The following GRK7 variants were observed in gnomAD, a reference collection of about 807,000 sequenced individuals.
GRK7 encodes rhodopsin kinase GRK7.
In GRK7, 24 loss-of-function variants were observed where a neutral mutation model predicts 34.1. The observed-to-expected ratio is 0.70, with a 90% CI of 0.51 to 0.99. The LOEUF (loss-of-function observed/expected upper bound fraction) is 0.99. Ranked by LOEUF, GRK7 falls within the 50% of genes least tolerant of loss-of-function variation. GRK7 has a pLI of 0.00. For missense variants in GRK7, 644 were observed against 707.3 expected, an observed-to-expected ratio of 0.91 and a Z score of 1.02; for synonymous variants, 256 against 279.4, an observed-to-expected ratio of 0.92 and a Z score of 0.84.
Position 141,776,159 on chromosome 3 carries a change from C to T in GRK7, c.-114+1479C>T, listed in dbSNP as rs372812172. Among the ~76,000 whole-genome samples the T allele has an allele frequency of 1.5e-4, 23 of 151,980 alleles. No homozygotes were observed. The East Asian group carries it at 1.9e-3, about 13-fold the overall frequency. The stretch of plus-strand genomic sequence containing the variant: ...AAAATTAGCCGGGCGCGGTGGCGGG[C>T]ACCTGTAGTCCTAGCTACTTGGGAG... On this transcript the variant is annotated intron_variant, in intron 2 of 5. Coordinates refer to ENST00000682958, the MANE Select transcript of GRK7 (RefSeq NM_139209.3).
chr3:141,815,255 GTTTGTTTT>G (rs1358847136), intron 5 of GRK7, among the ~76,000 whole-genome samples: 1 of 150,236 alleles, frequency 6.7e-6, no homozygotes, highest in Non-Finnish European at 1.5e-5. Context: ...TTGTTTGTTT[GTTTGTTTT>G]TTCTTAGTAA....
At chr3:141,767,863 A>G (rs2084596880) in intron 1 of GRK7, among the ~76,000 whole-genome samples, 1 of 152,144 alleles carries the variant, frequency 6.6e-6, no homozygotes, top group Admixed American at 6.6e-5. Context: ...ATGAGACCCT[A>G]AGTTCCTAGT....
In GRK7 at chr3:141,780,442, G is replaced by A. The variant is rs1415044678; in HGVS notation, c.681G>A (p.Leu227=). The change falls in exon 4 of 6, where the codon CTG becomes CTA. Residue 227 remains leucine, a synonymous_variant. Coordinates refer to ENST00000682958, the MANE Select transcript of GRK7 (RefSeq NM_139209.3). ...YACKKLDKKR[L]KKKGGEKMAL... ...GTAAGAAACTGGACAAGAAGCGGCT[G>A]AAGAAGAAAGGTGGCGAGAAGATGG... The A allele has an allele frequency of 1.2e-6, 2 of 1,614,232 alleles. No homozygotes were observed. Among genetic ancestry groups the A allele is most frequent in the African/African-American group, 1.3e-5 (1 of 75,060 alleles).
At chr3:141,770,644 G>A (rs2084612693) in intron 1 of GRK7, among the ~76,000 whole-genome samples, 1 of 151,474 alleles carries the variant, frequency 6.6e-6, no homozygotes, top group South Asian at 2.1e-4. Context: ...TGGCCAACAA[G>A]CATATAAAAA....
intron 1 of GRK7, among the ~76,000 whole-genome samples, chr3:141,773,075 G>C (rs1401971597): frequency 6.7e-6 from 1 of 149,776 alleles, no homozygotes; most frequent in Non-Finnish European, 1.5e-5. Flanking sequence ...GGCGGAGGTT[G>C]CAGTGAACTG....
intron 2 of GRK7, among the ~76,000 whole-genome samples, chr3:141,775,046 C>A (rs1055855546): frequency 2.0e-5 from 3 of 152,172 alleles, no homozygotes; most frequent in Non-Finnish European, 1.5e-5. Flanking sequence ...CCCGCCTCAG[C>A]CTCCCACAGT....
rs1350662933 is a variant in GRK7, at chr3:141,819,290, A to G, written c.*2240A>G. Among the ~76,000 whole-genome samples the G allele has an allele frequency of 6.6e-6, 1 of 152,228 alleles. No homozygotes were observed. The highest frequency in any genetic ancestry group is 1.5e-5 in the Non-Finnish European group (1 of 68,034). ...ACTAATAATTAAAGATAAATATCTCAGTTTTTAAAAGGACAAAAAATTTGG... is the reference window on the plus strand; with the variant it reads ...ACTAATAATTAAAGATAAATATCTCGGTTTTTAAAAGGACAAAAAATTTGG... On this transcript the variant is annotated 3_prime_UTR_variant, in exon 6 of 6. Coordinates refer to ENST00000682958, the MANE Select transcript of GRK7 (RefSeq NM_139209.3).
intron 5 of GRK7, among the ~76,000 whole-genome samples, chr3:141,815,350 G>A (rs1005098407): frequency 2.0e-5 from 3 of 152,210 alleles, no homozygotes; most frequent in Admixed American, 6.5e-5. Context: ...GTGATAATGA[G>A]CATTTTTTCA....
At chr3:141,756,596 G>A in the GRK7 span, among the ~76,000 whole-genome samples, 60 of 152,184 alleles carry the variant, frequency 3.9e-4, no homozygotes, top group Middle Eastern at 0.01. Context: ...TTACCTGAAA[G>A]TATACATTTT....
At chr3:141,783,308 G>A (rs534521463) in intron 4 of GRK7, among the ~76,000 whole-genome samples, 5 of 152,312 alleles carry the variant, frequency 3.3e-5, no homozygotes, top group South Asian at 2.1e-4. Context: ...ATAATTAAGC[G>A]ATTATAATTA....
Position 141,818,544 on chromosome 3 carries a change from A to C in GRK7, c.*1494A>C, listed in dbSNP as rs1214878254. On this transcript the variant is annotated 3_prime_UTR_variant, in exon 6 of 6. Transcript: ENST00000682958. ...AAAGAAATTGAATTGAAAAAATACT[A>C]ACCATCATTTCAAGTGGCTGCCCAG... is the stretch of plus-strand genomic sequence containing the variant. 10 of 152,210 alleles carry C rather than the reference A, an allele frequency of 6.6e-5. No homozygotes were observed. Among genetic ancestry groups the C allele is most frequent in the East Asian group, 1.9e-4 (1 of 5,206 alleles). 9.4% of individuals were successfully genotyped at this position (152,210 alleles called of 1,614,324 possible).
chr3:141,807,549 G>A (rs1339490768), intron 4 of GRK7, 96 bp from the exon 5 acceptor site: 9 of 1,064,450 alleles, frequency 8.5e-6, no homozygotes, highest in Non-Finnish European at 1.2e-5. Flanking sequence ...GGAAGAAAAG[G>A]AGAATGTGTA....
rs533159385 is a variant in GRK7, at chr3:141,773,293, A to G, written c.-214-1287A>G. On this transcript the variant is annotated intron_variant, in intron 1 of 5. Coordinates refer to ENST00000682958, the MANE Select transcript of GRK7 (RefSeq NM_139209.3). ...TCTTGCATGATATTTAATAAATCTG[A>G]CCTCCCTGTCTTCTAGCTGCATGGG... 2.7e-4 allele frequency among the ~76,000 whole-genome samples: 41 copies of G among 151,950 alleles called. No homozygotes were observed. In the South Asian group the frequency reaches 8.3e-3, roughly 31 times the overall value.
upstream of GRK7, among the ~76,000 whole-genome samples, chr3:141,763,298 C>G (rs982765547): frequency 3.9e-5 from 6 of 152,112 alleles, no homozygotes; most frequent in Non-Finnish European, 5.9e-5. Context: ...CATAAGGCAC[C>G]TAATAAAGCA....
At chr3:141,777,904 C>T (rs1030361543) in intron 2 of GRK7, among the ~76,000 whole-genome samples, 1 of 152,182 alleles carries the variant, frequency 6.6e-6, no homozygotes, top group South Asian at 2.1e-4. Context: ...TAAACTACTG[C>T]ATCAGCAACA....
chr3:141,782,519 G>C (rs573928476), intron 4 of GRK7, among the ~76,000 whole-genome samples: 1 of 152,276 alleles, frequency 6.6e-6, no homozygotes, highest in South Asian at 2.1e-4. Context: ...TGCTGTGGAG[G>C]AAGACCTGGG....
At chr3:141,802,366 T>TCACACACACACACACACACACACA (rs113029036) in intron 4 of GRK7, among the ~76,000 whole-genome samples, 4 of 145,574 alleles carry the variant, frequency 2.7e-5, no homozygotes, top group Non-Finnish European at 4.5e-5. Context: ...TCTTTCTCTG[T>TCACACACACACACACACACACACA]CACACACACA....
intron 1 of GRK7, among the ~76,000 whole-genome samples, chr3:141,772,388 C>T (rs183637058): frequency 2.6e-5 from 4 of 152,310 alleles, no homozygotes; most frequent in East Asian, 1.9e-4. Flanking sequence ...CCACTGTGTC[C>T]GGCCTTTTTG....
In GRK7 at chr3:141,788,894, T is replaced by C. The variant is rs568076642; in HGVS notation, c.1050+8083T>C. Among the ~76,000 whole-genome samples the C allele has an allele frequency of 9.8e-5, 15 of 152,300 alleles. 1 individual carries two copies. Among genetic ancestry groups the C allele is most frequent in the African/African-American group, 3.6e-4 (15 of 41,562 alleles). On this transcript the variant is annotated intron_variant, in intron 4 of 5. Coordinates refer to ENST00000682958, the MANE Select transcript of GRK7 (RefSeq NM_139209.3). ...TGTCGCCCAGGCTGGAGTGCAGTGGTGTGATCTCAGCTCACTGAAACCTCT... is the reference window on the plus strand; with the variant it reads ...TGTCGCCCAGGCTGGAGTGCAGTGGCGTGATCTCAGCTCACTGAAACCTCT...
Sources: gnomAD v4.1 joint callset for allele counts (sites outside exome capture counted in the v4.1 genomes callset) on GRCh38, gnomAD v4.1.1 for gene constraint, MANE v1.5 for transcripts, NCBI Gene and HGNC (gene_info 2026-07-23, HGNC 2026-07-21) for gene names.